UNC13C: variants seen among roughly 807,000 people sequenced by gnomAD.
The protein encoded by UNC13C is unc-13 homolog C, also known as protein unc-13 homolog C.
In UNC13C, 174 loss-of-function variants were observed where a neutral mutation model predicts 245.4. The observed-to-expected ratio is 0.71, with a 90% CI of 0.63 to 0.80. The LOEUF is 0.80. UNC13C is among the 30% of genes least tolerant of loss of function. The probability of loss-of-function intolerance (pLI) is 0.00; values close to 1 mark genes in which losing one functional copy is unlikely to be tolerated. For missense variants in UNC13C, 2,829 were observed against 2,602.9 expected, an observed-to-expected ratio of 1.09 and a Z score of -1.89; for synonymous variants, 992 against 895.1, an observed-to-expected ratio of 1.11 and a Z score of -1.93.
chr15:54,355,153 A>G (rs907709518), intron 17 of UNC13C, among the ~76,000 whole-genome samples: 2 of 146,118 alleles, frequency 1.4e-5, no homozygotes, highest in Non-Finnish European at 3.1e-5. Flanking sequence ...CAGCCTCTGC[A>G]ATTATAAGAA....
intron 18 of UNC13C, among the ~76,000 whole-genome samples, chr15:54,398,859 C>T (rs1305483605): frequency 1.3e-5 from 2 of 151,356 alleles, no homozygotes; most frequent in Non-Finnish European, 3.0e-5. Context: ...TTTGTTCTGT[C>T]CAACTGTCTG....
chr15:54,025,160 C>T (rs889407120), intron 2 of UNC13C, among the ~76,000 whole-genome samples: 3 of 152,170 alleles, frequency 2.0e-5, no homozygotes, highest in African/African-American at 7.2e-5. Context: ...GTATGTCTCT[C>T]CCTCATCCCT....
chr15:54,340,539 G>C (rs935893669), intron 17 of UNC13C, among the ~76,000 whole-genome samples: 1 of 152,048 alleles, frequency 6.6e-6, no homozygotes, highest in Non-Finnish European at 1.5e-5. Context: ...TTGTTGAATA[G>C]GGTATTCTTT....
chr15:54,277,666 A>T (rs2036867863), intron 10 of UNC13C, among the ~76,000 whole-genome samples: 1 of 152,210 alleles, frequency 6.6e-6, no homozygotes, highest in Non-Finnish European at 1.5e-5. Context: ...CCATATTTAA[A>T]ATGGTTTAAG....
At chr15:54,481,064 G>A (rs1361382615) in intron 19 of UNC13C, among the ~76,000 whole-genome samples, 1 of 152,152 alleles carries the variant, frequency 6.6e-6, no homozygotes, top group African/African-American at 2.4e-5. Flanking sequence ...CTTTGGTTTT[G>A]TTTCTGGCAG....
downstream of UNC13C, chr15:54,629,295 G>A (rs755716633): frequency 6.6e-6 from 1 of 152,118 alleles, no homozygotes. Context: ...GAGGGTAGGA[G>A]GAGGGAAAAG....
chr15:54,078,778 C>G (rs1204483464), intron 2 of UNC13C, among the ~76,000 whole-genome samples: 1 of 151,884 alleles, frequency 6.6e-6, no homozygotes, highest in Non-Finnish European at 1.5e-5. Context: ...TAGGCTGCTT[C>G]CTCTGTTAAT....
chr15:54,345,147 T>C (rs984329592), intron 17 of UNC13C, among the ~76,000 whole-genome samples: 16 of 152,210 alleles, frequency 1.1e-4, no homozygotes, highest in African/African-American at 3.9e-4. Flanking sequence ...GAAGAGTTGA[T>C]GTGCAGGGAA....
chr15:54,139,247 C>T (rs1354901973), intron 2 of UNC13C, among the ~76,000 whole-genome samples: 1 of 132,944 alleles, frequency 7.5e-6, no homozygotes, highest in East Asian at 2.1e-4. Flanking sequence ...TGTGAGCAAC[C>T]GCATCCGGCC....
intron 4 of UNC13C, among the ~76,000 whole-genome samples, chr15:54,204,110 A>T (rs995955114): frequency 6.6e-6 from 1 of 151,798 alleles, no homozygotes; most frequent in Non-Finnish European, 1.5e-5. Flanking sequence ...ACACAAAGCC[A>T]TAAGAATCAT....
chr15:53,868,652 A>C, the UNC13C span, among the ~76,000 whole-genome samples: 3 of 152,182 alleles, frequency 2.0e-5, no homozygotes, highest in Non-Finnish European at 2.9e-5. Flanking sequence ...TAGGGTTGTT[A>C]ATTTTGCTCT....
At chr15:53,852,162 T>C in the UNC13C span, among the ~76,000 whole-genome samples, 5 of 152,152 alleles carry the variant, frequency 3.3e-5, no homozygotes, top group African/African-American at 1.2e-4. Flanking sequence ...CCCAGGAAGA[T>C]ATTGTCAGAT....
At chr15:53,995,374 G>T (rs1209581217) in intron 1 of UNC13C, among the ~76,000 whole-genome samples, 1 of 152,004 alleles carries the variant, frequency 6.6e-6, no homozygotes, top group African/African-American at 2.4e-5. Flanking sequence ...CTTCAACCTA[G>T]AAATCAATCA....
In UNC13C at chr15:54,237,601, T is replaced by C. The variant is rs1482611049; in HGVS notation, c.3157-18T>C. On this transcript the variant is annotated intron_variant, in intron 6 of 32. Transcript: ENST00000260323. ...AACCTCCCTATGTATTAATAAGTCA[T>C]AATTCTGTTTGTTTTAGACCCTGGC... The C allele has an allele frequency of 6.2e-7, 1 of 1,603,434 alleles. No individual in the cohort carries two copies. The highest frequency in any genetic ancestry group is 8.5e-7 in the Non-Finnish European group (1 of 1,173,376).
intron 10 of UNC13C, among the ~76,000 whole-genome samples, chr15:54,289,748 G>A (rs909663541): frequency 9.9e-5 from 15 of 151,834 alleles, no homozygotes; most frequent in African/African-American, 3.6e-4. Flanking sequence ...TTGCCCCTCG[G>A]GACTAAATAG....
At chr15:54,022,747 T>G (rs1895954403) in intron 2 of UNC13C, among the ~76,000 whole-genome samples, 1 of 152,232 alleles carries the variant, frequency 6.6e-6, no homozygotes. Flanking sequence ...CAGAAGCTTT[T>G]TACTTCGATG....
chr15:53,975,961 A>C (rs1327104198), upstream of UNC13C, among the ~76,000 whole-genome samples: 1 of 152,204 alleles, frequency 6.6e-6, no homozygotes. Flanking sequence ...AGACTTTGAA[A>C]AGCTCCGTAG....
chr15:54,194,656 G>A (rs1057132978), intron 4 of UNC13C, among the ~76,000 whole-genome samples: 1 of 152,062 alleles, frequency 6.6e-6, no homozygotes, highest in East Asian at 1.9e-4. Context: ...GACATGAGCT[G>A]CATTGACTGC....
intron 4 of UNC13C, among the ~76,000 whole-genome samples, chr15:54,226,462 G>C (rs1161817370): frequency 6.6e-6 from 1 of 152,128 alleles, no homozygotes; most frequent in Non-Finnish European, 1.5e-5. Flanking sequence ...GTGTCACAGG[G>C]TCCTTGGAGT....
Sources: allele counts gnomAD v4.1 joint callset (sites outside exome capture counted in the v4.1 genomes callset), GRCh38; gene constraint gnomAD v4.1.1; transcripts MANE v1.5; gene names NCBI Gene and HGNC (gene_info 2026-07-23, HGNC 2026-07-21).